The following ICA1 variants were observed in gnomAD, a reference collection of about 807,000 sequenced individuals.
ICA1 encodes the protein islet cell autoantigen 1, also known as 69 kDa islet cell autoantigen.
Under a neutral mutation model 71.0 loss-of-function variants are expected in ICA1, and 40 were observed. The observed-to-expected ratio is 0.56, with a 90% CI of 0.44 to 0.73. The LOEUF is 0.73. ICA1 is among the 30% of genes least tolerant of loss of function. The pLI is 0.00. For missense variants in ICA1, 578 were observed against 576.5 expected (o/e 1.00, Z -0.03); for synonymous variants, 207 against 209.5 (o/e 0.99, Z 0.10).
At chr7:8,254,634 G>T (rs1181815070) in intron 1 of ICA1, among the ~76,000 whole-genome samples, 5 of 151,464 alleles carry the variant, frequency 3.3e-5, no homozygotes, top group Admixed American at 2.6e-4. Context: ...ATGGGGGTCA[G>T]GAAAGACAGG....
At chr7:8,141,902 C>T (rs1795354175) in intron 9 of ICA1, 85 bp from the exon 10 acceptor site, 2 of 1,324,516 alleles carry the variant, frequency 1.5e-6, no homozygotes, top group African/African-American at 3.2e-5. Flanking sequence ...AATATTACTT[C>T]ACTTTTAACA....
rs1224161803 is a variant in ICA1, at chr7:8,199,744, C to A, written c.579+18561G>T. ...AAAACAAAAAACAAAAGAATGAATT[C>A]CTGTCGTTTGCAACAACATGGATGG... On this transcript the variant is annotated intron_variant, in intron 6 of 13. Coordinates refer to ENST00000402384, the MANE Select transcript of ICA1 (RefSeq NM_001136020.3). Among the ~76,000 whole-genome samples the A allele has an allele frequency of 3.3e-5, 5 of 152,068 alleles. No homozygotes were observed. The East Asian group carries it at 9.6e-4, about 29-fold the overall frequency.
chr7:8,120,933 C>G (rs548364314), intron 13 of ICA1, among the ~76,000 whole-genome samples: 1 of 152,226 alleles, frequency 6.6e-6, no homozygotes, highest in Non-Finnish European at 1.5e-5. Context: ...TGCGGTGGGG[C>G]TGCCCGTGAA....
At chr7:8,152,040 C>A (rs975765508) in intron 8 of ICA1, among the ~76,000 whole-genome samples, 2 of 152,140 alleles carry the variant, frequency 1.3e-5, no homozygotes, top group African/African-American at 2.4e-5. Flanking sequence ...AGATGGGAGG[C>A]CCTACTGCCT....
chr7:8,199,223 G>A (rs1043459392), intron 6 of ICA1, among the ~76,000 whole-genome samples: 1 of 152,172 alleles, frequency 6.6e-6, no homozygotes, highest in Admixed American at 6.5e-5. Context: ...TCCCACTGCA[G>A]GGTATATACC....
chr7:8,239,776 CATGAAGCCT>C lies in ICA1; in HGVS notation c.-79-3780_-79-3772del, dbSNP rs1033638085. ...CGCCTGGCTCGGCAGGTCCCATGCC[CATGAAGCCT>C]TGCTCACTGCTAGCACAGCAGTCTG... is the stretch of plus-strand genomic sequence containing the variant. On this transcript the variant is annotated intron_variant, in intron 1 of 13. Transcript: ENST00000402384. Among the ~76,000 whole-genome samples, 7 of 152,340 alleles carry C rather than the reference CATGAAGCCT, an allele frequency of 4.6e-5. No homozygotes were observed. The East Asian group carries it at 1.4e-3, about 29-fold the overall frequency.
chr7:8,166,580 T>C (rs973104734), intron 6 of ICA1, among the ~76,000 whole-genome samples: 10 of 152,120 alleles, frequency 6.6e-5, no homozygotes, highest in Admixed American at 6.6e-4. Context: ...GACTAGGACC[T>C]AACAAAGATT....
chr7:8,146,250 C>T (rs1056330715), intron 8 of ICA1, among the ~76,000 whole-genome samples: 1 of 152,156 alleles, frequency 6.6e-6, no homozygotes, highest in African/African-American at 2.4e-5. Context: ...AGGATGTCCT[C>T]TTTTGGAAGT....
rs760486024 is a variant in ICA1, at chr7:8,127,949, C to T, written c.1254G>A (p.Lys418=). 6.2e-7 allele frequency: 1 copy of T among 1,614,238 alleles called. No homozygotes were observed. Among genetic ancestry groups the T allele is most frequent in the Non-Finnish European group, 8.5e-7 (1 of 1,180,046 alleles). The change falls in exon 13 of 14, where the codon AAG becomes AAA. Residue 418 remains lysine (K), a synonymous_variant. Transcript: ENST00000402384. ...GAAGGAAACCTGAGCCTGTCTGGGCCTTGGGGTCTGGCTCTCCCAGGGCCA... is the reference window on the plus strand; with the variant it reads ...GAAGGAAACCTGAGCCTGTCTGGGCTTTGGGGTCTGGCTCTCCCAGGGCCA... ...PTMALGEPDP[K]AQTGSGFLPS...
At chr7:8,155,340 C>G (rs918048782) in intron 8 of ICA1, among the ~76,000 whole-genome samples, 2 of 152,200 alleles carry the variant, frequency 1.3e-5, no homozygotes, top group East Asian at 1.9e-4. Context: ...CAAACTTTCA[C>G]TAAATTCTCT....
At chr7:8,119,451 C>G (rs1785961986) in intron 13 of ICA1, among the ~76,000 whole-genome samples, 1 of 152,186 alleles carries the variant, frequency 6.6e-6, no homozygotes, top group African/African-American at 2.4e-5. Context: ...AGGCAGAAAT[C>G]AATTTATATG....
At chr7:8,119,703 G>A (rs776972707) in intron 13 of ICA1, among the ~76,000 whole-genome samples, 8 of 152,100 alleles carry the variant, frequency 5.3e-5, no homozygotes, top group Non-Finnish European at 1.0e-4. Flanking sequence ...AAAATTAGCC[G>A]GGTGTGGTGG....
chr7:8,140,569 GC>G (rs1169377654), intron 10 of ICA1, among the ~76,000 whole-genome samples: 1 of 152,232 alleles, frequency 6.6e-6, no homozygotes, highest in African/African-American at 2.4e-5. Context: ...ATTACCATCT[GC>G]TTGCCCTTTT....
At chr7:8,157,278 GGA>G in intron 7 of ICA1, 64 bp from the exon 8 acceptor site, 1 of 1,430,616 alleles carries the variant, frequency 7.0e-7, no homozygotes, top group Non-Finnish European at 9.5e-7. Context: ...TGGTCCCCAG[GGA>G]AGTATGACTC....
intron 8 of ICA1, among the ~76,000 whole-genome samples, chr7:8,146,801 G>C (rs1281636249): frequency 6.9e-6 from 1 of 144,612 alleles, no homozygotes; most frequent in Non-Finnish European, 1.5e-5. Context: ...GAGTTCAATA[G>C]ATGTCAAGGA....
chr7:8,191,330 ATTGT>A (rs1785545237), intron 6 of ICA1, among the ~76,000 whole-genome samples: 1 of 152,216 alleles, frequency 6.6e-6, no homozygotes. Flanking sequence ...TTGATTTATG[ATTGT>A]TTGACTTAGA....
intron 6 of ICA1, among the ~76,000 whole-genome samples, chr7:8,174,180 G>C (rs561341329): frequency 6.6e-6 from 1 of 152,168 alleles, no homozygotes; most frequent in Admixed American, 6.5e-5. Flanking sequence ...GCTTGTTCTA[G>C]GAAATGTGGT....
At chr7:8,209,750 A>T (rs55956376) in intron 6 of ICA1, among the ~76,000 whole-genome samples, 2 of 152,114 alleles carry the variant, frequency 1.3e-5, no homozygotes, top group Non-Finnish European at 2.9e-5. Context: ...AGGCTCCCTG[A>T]GGGTCACGTG....
chr7:8,163,076 A>T (rs1804516425), intron 6 of ICA1, among the ~76,000 whole-genome samples: 1 of 152,100 alleles, frequency 6.6e-6, no homozygotes, highest in African/African-American at 2.4e-5. Flanking sequence ...ATGGCCATGT[A>T]TTTTAGAGCC....
Sources: gnomAD v4.1 joint callset for allele counts (sites outside exome capture counted in the v4.1 genomes callset) on GRCh38, gnomAD v4.1.1 for gene constraint, MANE v1.5 for transcripts, NCBI Gene and HGNC (gene_info 2026-07-23, HGNC 2026-07-21) for gene names.